The following RERE variants were observed in gnomAD, a reference collection of about 807,000 sequenced individuals.
RERE encodes arginine-glutamic acid dipeptide repeats protein.
A neutral mutation model predicts 146.1 loss-of-function variants in RERE; 40 were observed. The observed-to-expected ratio is 0.27, with a 90% confidence interval of 0.21 to 0.36. RERE has a LOEUF of 0.36. RERE is among the 10% of genes least tolerant of loss of function. The pLI, the probability that RERE is intolerant of heterozygous loss-of-function variation, is 1.00. For missense variants in RERE, 1,933 were observed against 2,138.7 expected (o/e 0.90, Z 1.90); for synonymous variants, 1,003 against 866.0 (o/e 1.16, Z -2.78).
intron 1 of RERE, among the ~76,000 whole-genome samples, chr1:8,659,366 G>C (rs1638404039): frequency 6.6e-6 from 1 of 152,222 alleles, no homozygotes; most frequent in African/African-American, 2.4e-5. Flanking sequence ...AAGCCATCCT[G>C]GCCAAGATGG....
chr1:8,527,583 A>C (rs764472933), intron 7 of RERE, among the ~76,000 whole-genome samples: 3 of 152,222 alleles, frequency 2.0e-5, no homozygotes, highest in African/African-American at 4.8e-5. Context: ...CGGTTACTGT[A>C]ACAGCAAGTT....
chr1:8,451,662 C>T (rs902648527), intron 11 of RERE, among the ~76,000 whole-genome samples: 2 of 152,158 alleles, frequency 1.3e-5, no homozygotes, highest in Admixed American at 6.5e-5. Context: ...ACACCGACAG[C>T]TCTCAACGTC....
intron 1 of RERE, among the ~76,000 whole-genome samples, chr1:8,793,174 A>AAAAAAAAAAAAAG (rs756022312): frequency 3.1e-5 from 4 of 127,088 alleles, no homozygotes; most frequent in Admixed American, 8.9e-5. Flanking sequence ...AAAAAAAAAA[A>AAAAAAAAAAAAAG]AAAGAAAGAA....
intron 1 of RERE, among the ~76,000 whole-genome samples, chr1:8,813,732 A>T (rs1280171886): frequency 6.7e-6 from 1 of 150,356 alleles, no homozygotes; most frequent in Non-Finnish European, 1.5e-5. Flanking sequence ...ATCGTGCCTC[A>T]GCCCCCCAAG....
chr1:8,554,553 G>T (rs1290449306), intron 6 of RERE, among the ~76,000 whole-genome samples: 2 of 151,750 alleles, frequency 1.3e-5, no homozygotes, highest in Non-Finnish European at 2.9e-5. Flanking sequence ...CAGGTGTGGT[G>T]GTGCACACCT....
intron 4 of RERE, among the ~76,000 whole-genome samples, chr1:8,577,959 C>T (rs1646316665): frequency 6.6e-6 from 1 of 152,090 alleles, no homozygotes; most frequent in Non-Finnish European, 1.5e-5. Flanking sequence ...GGTGCGGTGG[C>T]GGGCGCCTGT....
At chr1:8,427,710 A>C (rs935366647) in intron 11 of RERE, among the ~76,000 whole-genome samples, 1 of 150,784 alleles carries the variant, frequency 6.6e-6, no homozygotes, top group Non-Finnish European at 1.5e-5. Flanking sequence ...ATGGAAAGCC[A>C]CAAGGCCTCA....
intron 1 of RERE, among the ~76,000 whole-genome samples, chr1:8,708,180 C>G (rs1384193643): frequency 2.0e-5 from 3 of 152,164 alleles, no homozygotes; most frequent in African/African-American, 7.2e-5. Flanking sequence ...CATCTTGTAG[C>G]TCCCATAATT....
At position 8,361,284 on chromosome 1, in the gene RERE, C is replaced by A; in HGVS notation, c.2223G>T (p.Leu741Phe). 2 of 1,600,444 alleles carry A rather than the reference C, an allele frequency of 1.2e-6. No individual in the cohort carries two copies. Among genetic ancestry groups the A allele is most frequent in the Non-Finnish European group, 1.7e-6 (2 of 1,173,616 alleles). Reference protein sequence around the residue: ...QQMLQAQPPALQAPTGVTPAP... With the variant: ...QQMLQAQPPAFQAPTGVTPAP... ...CTGGGGTGACCCCAGTGGGAGCCTG[C>A]AAGGCTGGGGGCTGGGCCTGCAGCA... is the stretch of plus-strand genomic sequence containing the variant. The change falls in exon 18 of 23, where the codon TTG becomes TTT. Residue 741 changes from leucine to phenylalanine, a missense_variant. By Grantham distance (22) the Leu-to-Phe change is conservative. Coordinates refer to ENST00000400908, the MANE Select transcript of RERE (RefSeq NM_001042681.2).
At chr1:8,398,569 A>G (rs892896350) in intron 12 of RERE, among the ~76,000 whole-genome samples, 1 of 152,156 alleles carries the variant, frequency 6.6e-6, no homozygotes, top group Non-Finnish European at 1.5e-5. Context: ...ATCAGTCTTA[A>G]ATGATTTTTC....
At chr1:8,376,585 C>T (rs1036956400) in intron 12 of RERE, among the ~76,000 whole-genome samples, 4 of 152,176 alleles carry the variant, frequency 2.6e-5, no homozygotes, top group Non-Finnish European at 5.9e-5. Context: ...TACCTCACAC[C>T]ACCCACCAGC....
chr1:8,716,401 T>C (rs557442841), intron 1 of RERE, among the ~76,000 whole-genome samples: 1 of 151,414 alleles, frequency 6.6e-6, no homozygotes, highest in Non-Finnish European at 1.5e-5. Flanking sequence ...GCCTGGGAGG[T>C]CAAGGCTGCA....
chr1:8,363,950 T>C (rs1352628965), intron 15 of RERE, 106 bp downstream of exon 15: 1 of 1,036,812 alleles, frequency 9.6e-7, no homozygotes, highest in South Asian at 1.4e-5. Flanking sequence ...CAGGACTTTG[T>C]CTGGTAAACA....
At chr1:8,607,688 G>T (rs1296291914) in intron 4 of RERE, among the ~76,000 whole-genome samples, 1 of 146,632 alleles carries the variant, frequency 6.8e-6, no homozygotes, top group Admixed American at 6.8e-5. Context: ...TGGTACTAGA[G>T]CCTGGTACTA....
At chr1:8,633,709 G>A (rs923050927) in intron 2 of RERE, among the ~76,000 whole-genome samples, 1 of 151,996 alleles carries the variant, frequency 6.6e-6, no homozygotes, top group Non-Finnish European at 1.5e-5. Context: ...GGTGGATCGT[G>A]TGAGCCCAGG....
intron 1 of RERE, among the ~76,000 whole-genome samples, chr1:8,805,134 A>G (rs1641665268): frequency 6.6e-6 from 1 of 150,828 alleles, no homozygotes; most frequent in Admixed American, 6.6e-5. Flanking sequence ...GATCCCGAGT[A>G]GCTAGGATTA....
intron 3 of RERE, among the ~76,000 whole-genome samples, chr1:8,620,820 T>C (rs1269081206): frequency 6.6e-6 from 1 of 151,778 alleles, no homozygotes; most frequent in Admixed American, 6.6e-5. Flanking sequence ...ACTTCTTCCA[T>C]AAATACTTTG....
intron 1 of RERE, among the ~76,000 whole-genome samples, chr1:8,736,868 A>C (rs917936496): frequency 2.0e-5 from 3 of 151,764 alleles, no homozygotes; most frequent in Non-Finnish European, 4.4e-5. Flanking sequence ...AAAAAAAAAA[A>C]AAAAAAACTA....
intron 1 of RERE, among the ~76,000 whole-genome samples, chr1:8,722,529 C>T (rs899997627): frequency 6.6e-6 from 1 of 152,142 alleles, no homozygotes; most frequent in Admixed American, 6.5e-5. Flanking sequence ...TTCAATAAAG[C>T]CACAGACTTG....
Sources: gnomAD v4.1 joint callset for allele counts (sites outside exome capture counted in the v4.1 genomes callset) on GRCh38, gnomAD v4.1.1 for gene constraint, MANE v1.5 for transcripts, NCBI Gene and HGNC (gene_info 2026-07-23, HGNC 2026-07-21) for gene names.